C3orf18: variants seen among roughly 807,000 people sequenced by gnomAD.
C3orf18 encodes the protein chromosome 3 open reading frame 18.
Under a neutral mutation model 14.1 loss-of-function variants are expected in C3orf18, and 12 were observed. The ratio of observed to expected loss-of-function variants is 0.85; its 90% confidence interval spans 0.55 to 1.38. The LOEUF is 1.38. C3orf18 is among the 40% of genes most tolerant of loss of function. The probability of loss-of-function intolerance (pLI) is 0.00; values close to 1 mark genes in which losing one functional copy is unlikely to be tolerated. For synonymous variants in C3orf18, 82 were observed against 87.9 expected (o/e 0.93, Z 0.38); for missense variants, 196 against 213.9 (o/e 0.92, Z 0.52).
upstream of C3orf18, chr3:50,571,632 G>T: frequency 7.6e-7 from 1 of 1,315,584 alleles, no homozygotes; most frequent in South Asian, 1.2e-5. Context: ...GTGCTGGGCA[G>T]GCATTATCCA....
chr3:50,560,373 G>A (rs1160109615), intron 5 of C3orf18, among the ~76,000 whole-genome samples: 1 of 151,774 alleles, frequency 6.6e-6, no homozygotes, highest in African/African-American at 2.4e-5. Context: ...TATCCCTTTG[G>A]ACACAGGAGG....
chr3:50,570,754 A>C, upstream of C3orf18: 1 of 191,710 alleles, frequency 5.2e-6, no homozygotes, highest in Non-Finnish European at 1.1e-5. Context: ...CACTCCAGCT[A>C]AAAATGTGAA....
intron 3 of C3orf18, among the ~76,000 whole-genome samples, chr3:50,564,697 A>G (rs766760486): frequency 6.6e-6 from 1 of 152,146 alleles, no homozygotes; most frequent in Non-Finnish European, 1.5e-5. Context: ...CAGGGCAGGT[A>G]CTCAGTAAAT....
upstream of C3orf18, chr3:50,571,006 G>C (rs1386251715): frequency 6.9e-6 from 6 of 870,014 alleles, no homozygotes; most frequent in Admixed American, 1.1e-4. Context: ...TCTCCACCCA[G>C]CTGGGTCCAG....
In C3orf18 at chr3:50,565,415, T is replaced by A. The variant is rs1296900695; in HGVS notation, c.234+51A>T. On this transcript the variant is annotated intron_variant, in intron 3 of 5. Coordinates refer to ENST00000357203, the MANE Select transcript of C3orf18 (RefSeq NM_016210.5). The surrounding 1 kb of genome is among the most constrained non-coding windows in gnomAD (Gnocchi z 4.4). ...GATTGTCTTCTGATTGATTAGGTTC[T>A]CTATAAATCTAAACACTGATTATCC... 7.6e-7 allele frequency: 1 copy of A among 1,321,510 alleles called. No homozygotes were observed. Among genetic ancestry groups the A allele is most frequent in the Non-Finnish European group, 1.1e-6 (1 of 926,538 alleles). The allele number at this position is 1,321,510 out of a possible 1,614,324, so 81.9% of individuals were successfully genotyped here.
At position 50,559,146 on chromosome 3, in the gene C3orf18, T is replaced by C; in HGVS notation, c.*511A>G. On this transcript the variant is annotated 3_prime_UTR_variant, in exon 6 of 6. Transcript: ENST00000357203. ...TGCATACTGGACAGTTTCAGCTCCA[T>C]CTCTGGGCTTCTCAGGGCCCATAAC... 2 of 1,289,834 alleles carry C rather than the reference T, an allele frequency of 1.6e-6. No homozygotes were observed. Among genetic ancestry groups the C allele is most frequent in the Non-Finnish European group, 2.0e-6 (2 of 988,910 alleles). 79.9% of individuals were successfully genotyped at this position (1,289,834 alleles called of 1,614,324 possible).
chr3:50,568,752 AAAG>A (rs1219350516), upstream of C3orf18, among the ~76,000 whole-genome samples: 1 of 151,990 alleles, frequency 6.6e-6, no homozygotes. Flanking sequence ...AAAAAGAAAA[AAAG>A]AAAAAAAAAG....
At chr3:50,564,014 T>A (rs968208963) in intron 3 of C3orf18, among the ~76,000 whole-genome samples, 10 of 152,238 alleles carry the variant, frequency 6.6e-5, no homozygotes, top group Admixed American at 4.6e-4. Flanking sequence ...ATTCTGCCTG[T>A]GCTGCACCCT....
At chr3:50,559,834 G>A in intron 5 of C3orf18, 97 bp from the exon 6 acceptor site, 3 of 684,356 alleles carry the variant, frequency 4.4e-6, no homozygotes, top group Non-Finnish European at 6.9e-6. Flanking sequence ...GCCTGCTTAT[G>A]CTTGGCACTA....
intron 3 of C3orf18, chr3:50,562,537 C>T (rs1315432532): frequency 2.2e-6 from 1 of 455,158 alleles, no homozygotes; most frequent in African/African-American, 2.0e-5. Context: ...AGGAGGATCT[C>T]TTGAGCCCAG....
rs912274065 is a variant in C3orf18 at position 50,564,124 on chromosome 3, G to C, written c.234+1342C>G. Among the ~76,000 whole-genome samples, 11 of 152,350 alleles carry C rather than the reference G, an allele frequency of 7.2e-5. No homozygotes were observed. In the East Asian group the frequency reaches 1.9e-3, roughly 27 times the overall value. On this transcript the variant is annotated intron_variant, in intron 3 of 5. Transcript: ENST00000357203. ...TTAACAGCAGCTCCAACCAGGCCAT[G>C]ATGGGCCATCCACAGCCCTACTTGT...
At chr3:50,564,469 C>T (rs919708889) in intron 3 of C3orf18, among the ~76,000 whole-genome samples, 16 of 152,182 alleles carry the variant, frequency 1.1e-4, no homozygotes, top group Admixed American at 9.2e-4. Context: ...GACACGGAGG[C>T]CAGGCTTCCA....
Position 50,558,810 on chromosome 3 carries a change from C to T in C3orf18, c.*847G>A. 1 of 1,289,854 alleles carries T rather than the reference C, an allele frequency of 7.8e-7. No homozygotes were observed. The highest frequency in any genetic ancestry group is 1.0e-6 in the Non-Finnish European group (1 of 988,870). The allele number at this position is 1,289,854 out of a possible 1,614,324, so 79.9% of individuals were successfully genotyped here. ...AGAGAAGATAGCCTACCCTGATGCT[C>T]CACTACATACCATGGGGTAGAGGTC... On this transcript the variant is annotated 3_prime_UTR_variant, in exon 6 of 6. Transcript: ENST00000357203.
Position 50,565,851 on chromosome 3 carries a change from C to T in C3orf18, c.-152G>A. Reference sequence around the variant, plus strand: ...TCCTTGGATAAAGGGAGCCCCCTGCCTTCCTGGGTGCTAGAAAGGAAAGAA... The same window carrying T: ...TCCTTGGATAAAGGGAGCCCCCTGCTTTCCTGGGTGCTAGAAAGGAAAGAA... On this transcript the variant is annotated 5_prime_UTR_variant, in exon 3 of 6. Coordinates refer to ENST00000357203, the MANE Select transcript of C3orf18 (RefSeq NM_016210.5). The surrounding 1 kb of genome is among the most constrained non-coding windows in gnomAD (Gnocchi z 4.4). 3 of 607,566 alleles carry T rather than the reference C, an allele frequency of 4.9e-6. No individual in the cohort carries two copies. Among genetic ancestry groups the T allele is most frequent in the South Asian group, 2.0e-5 (1 of 50,802 alleles). The allele number at this position is 607,566 out of a possible 1,614,324, so 37.6% of individuals were successfully genotyped here.
Position 50,558,804 on chromosome 3 carries a change from G to C in C3orf18, c.*853C>G, listed in dbSNP as rs35333669. On this transcript the variant is annotated 3_prime_UTR_variant, in exon 6 of 6. Transcript: ENST00000357203. Reference sequence around the variant, plus strand: ...GAAGGCAGAGAAGATAGCCTACCCTGATGCTCCACTACATACCATGGGGTA... The same window carrying C: ...GAAGGCAGAGAAGATAGCCTACCCTCATGCTCCACTACATACCATGGGGTA... The C allele has an allele frequency of 2.3e-3, 2,932 of 1,289,876 alleles. 3 individuals carry two copies. Among genetic ancestry groups the C allele is most frequent in the Non-Finnish European group, 2.7e-3 (2,632 of 988,880 alleles). The allele number at this position is 1,289,876 out of a possible 1,614,324, so 79.9% of individuals were successfully genotyped here.
chr3:50,558,801 C>T lies in C3orf18; in HGVS notation c.*856G>A. 7.8e-7 allele frequency: 1 copy of T among 1,289,876 alleles called. No homozygotes were observed. 79.9% of individuals were successfully genotyped at this position (1,289,876 alleles called of 1,614,324 possible). ...ATTGAAGGCAGAGAAGATAGCCTAC[C>T]CTGATGCTCCACTACATACCATGGG... On this transcript the variant is annotated 3_prime_UTR_variant, in exon 6 of 6. Transcript: ENST00000357203.
upstream of C3orf18, among the ~76,000 whole-genome samples, chr3:50,573,171 T>C (rs1280786878): frequency 6.6e-6 from 1 of 151,778 alleles, no homozygotes; most frequent in Admixed American, 6.6e-5. Context: ...GCAGGGACAG[T>C]AGGGAATCTG....
At position 50,565,487 on chromosome 3, in the gene C3orf18, C is replaced by A. The variant is rs1293371418; in HGVS notation, c.213G>T (p.Val71=). 1 of 1,614,030 alleles carries A rather than the reference C, an allele frequency of 6.2e-7. No individual in the cohort carries two copies. The change falls in exon 3 of 6, where the codon GTG becomes GTT. Residue 71 remains valine, a synonymous_variant. Coordinates refer to ENST00000357203, the MANE Select transcript of C3orf18 (RefSeq NM_016210.5). The surrounding 1 kb of genome is among the most constrained non-coding windows in gnomAD (Gnocchi z 4.4). ...TCACCAAGGCCACAGCCAGGCCTAT[C>A]ACCGTGATGATCCCAAAGGACAGAA... ...TMLLSFGIIT[V]IGLAVALVLY...
rs867596323 is a variant in C3orf18 at position 50,558,746 on chromosome 3, G to A, written c.*911C>T. 44 of 1,289,702 alleles carry A rather than the reference G, an allele frequency of 3.4e-5. No homozygotes were observed. Among genetic ancestry groups the A allele is most frequent in the East Asian group, 1.1e-4 (2 of 18,030 alleles). 79.9% of individuals were successfully genotyped at this position (1,289,702 alleles called of 1,614,324 possible). On this transcript the variant is annotated 3_prime_UTR_variant, in exon 6 of 6. Transcript: ENST00000357203. ...AGTGGAGAGAGGAACCGTGCTGTGCGTGCTTCCCTCTTCCCTGCAGTCCCT... is the reference window on the plus strand; with the variant it reads ...AGTGGAGAGAGGAACCGTGCTGTGCATGCTTCCCTCTTCCCTGCAGTCCCT...
Sources: gnomAD v4.1 joint callset for allele counts (sites outside exome capture counted in the v4.1 genomes callset) on GRCh38, gnomAD v4.1.1 for gene constraint, Gnocchi (gnomAD v3.1) non-coding constraint, MANE v1.5 for transcripts, NCBI Gene and HGNC (gene_info 2026-07-23, HGNC 2026-07-21) for gene names.